The following SLC12A6 variants were observed in gnomAD, a reference collection of about 807,000 sequenced individuals.
SLC12A6 encodes K-Cl cotransporter 3.
Under a neutral mutation model 135.3 loss-of-function variants are expected in SLC12A6, and 66 were observed. The ratio of observed to expected loss-of-function variants is 0.49; its 90% CI spans 0.40 to 0.60. The LOEUF (loss-of-function observed/expected upper bound fraction) is 0.60, where lower values mean the gene tolerates loss of function less well. Among genes scored for constraint, SLC12A6 ranks in the 20% least tolerant of loss-of-function variants. SLC12A6 has a pLI of 0.00. For missense variants in SLC12A6, 1,058 were observed against 1,452.3 expected, an observed-to-expected ratio of 0.73 and a Z score of 4.41; for synonymous variants, 513 against 508.8, an observed-to-expected ratio of 1.01 and a Z score of -0.11.
intron 2 of SLC12A6, among the ~76,000 whole-genome samples, chr15:34,294,364 G>T (rs1296380789): frequency 1.3e-5 from 2 of 152,008 alleles, no homozygotes; most frequent in African/African-American, 4.8e-5. Context: ...TCCTGAGTAG[G>T]TGGGATCACA....
At chr15:34,247,270 C>A (rs1359074728) in intron 13 of SLC12A6, among the ~76,000 whole-genome samples, 1 of 152,156 alleles carries the variant, frequency 6.6e-6, no homozygotes, top group Admixed American at 6.5e-5. Flanking sequence ...GTAATCCCAG[C>A]ACTTTGGGAG....
chr15:34,323,900 C>T (rs1889287724), intron 2 of SLC12A6, among the ~76,000 whole-genome samples: 1 of 145,352 alleles, frequency 6.9e-6, no homozygotes, highest in Non-Finnish European at 1.5e-5. Flanking sequence ...CTAATTGTGC[C>T]ACTGCACGCC....
chr15:34,313,431 AAG>A (rs1888403149), intron 2 of SLC12A6, among the ~76,000 whole-genome samples: 1 of 152,222 alleles, frequency 6.6e-6, no homozygotes, highest in African/African-American at 2.4e-5. Flanking sequence ...TATGAAGGCC[AAG>A]AGAGTTGATG....
chr15:34,308,407 T>C (rs1239094297), intron 2 of SLC12A6, among the ~76,000 whole-genome samples: 1 of 152,048 alleles, frequency 6.6e-6, no homozygotes, highest in Non-Finnish European at 1.5e-5. Flanking sequence ...GGTGGATCAC[T>C]TGAGGTCAGG....
chr15:34,280,026 A>C (rs1237478186), intron 2 of SLC12A6, among the ~76,000 whole-genome samples: 1 of 152,252 alleles, frequency 6.6e-6, no homozygotes, highest in African/African-American at 2.4e-5. Flanking sequence ...AGACAGAGTG[A>C]AATGATTGTG....
chr15:34,260,914 C>A lies in SLC12A6; in HGVS notation c.411+12G>T. The A allele has an allele frequency of 8.9e-7, 1 of 1,126,656 alleles. No individual in the cohort carries two copies. Among genetic ancestry groups the A allele is most frequent in the South Asian group, 1.2e-5 (1 of 81,302 alleles). 69.8% of individuals were successfully genotyped at this position (1,126,656 alleles called of 1,614,324 possible). A position where few individuals can be genotyped will look rare whatever the true frequency, so the allele number is the denominator to read the frequency against. ...CTAAAGTCTCAGTCCATAGTTTTCT[C>A]CAAAATATTACCTCAAAGAGTGCCA... On this transcript the variant is annotated intron_variant, in intron 4 of 25. Transcript: ENST00000354181.
At chr15:34,337,132 G>T (rs760955860) in intron 1 of SLC12A6, 200 bp downstream of exon 1, 2 of 272,662 alleles carry the variant, frequency 7.3e-6, no homozygotes, top group South Asian at 7.1e-5. Context: ...AGTGCGTGCA[G>T]GCAAACCTTT....
intron 2 of SLC12A6, among the ~76,000 whole-genome samples, chr15:34,335,519 T>G (rs1038082794): frequency 6.6e-6 from 1 of 152,228 alleles, no homozygotes; most frequent in Non-Finnish European, 1.5e-5. Context: ...ATTACATTAG[T>G]TACAACACAG....
chr15:34,333,944 C>T (rs151025561), intron 2 of SLC12A6, among the ~76,000 whole-genome samples: 31 of 151,926 alleles, frequency 2.0e-4, no homozygotes, highest in African/African-American at 7.0e-4. Flanking sequence ...GTGGTGCATG[C>T]CTGTAATCTC....
chr15:34,258,585 G>A (rs990898696), intron 5 of SLC12A6, among the ~76,000 whole-genome samples: 2 of 152,140 alleles, frequency 1.3e-5, no homozygotes, highest in Non-Finnish European at 2.9e-5. Flanking sequence ...CACTTAATAT[G>A]TTATATACTT....
intron 2 of SLC12A6, among the ~76,000 whole-genome samples, chr15:34,331,096 A>T (rs8038177): frequency 0.34 from 51,562 of 152,058 alleles, 8,785 homozygotes; most frequent in South Asian, 0.44. Flanking sequence ...TGATTAGCAA[A>T]ACAATATAAT....
intron 2 of SLC12A6, among the ~76,000 whole-genome samples, chr15:34,301,032 G>A (rs1367179609): frequency 2.0e-5 from 3 of 151,996 alleles, no homozygotes; most frequent in Admixed American, 6.6e-5. Flanking sequence ...GCAATGGCGC[G>A]ATCTCGGCTC....
At chr15:34,237,252 A>C (rs1891326496) in intron 22 of SLC12A6, 167 bp downstream of exon 22, 2 of 591,974 alleles carry the variant, frequency 3.4e-6, no homozygotes. Context: ...TCACATATAC[A>C]TTCTACTTAG....
At chr15:34,288,523 A>G (rs111303877) in intron 2 of SLC12A6, among the ~76,000 whole-genome samples, 5,982 of 152,314 alleles carry the variant, frequency 0.039, 220 homozygotes, top group African/African-American at 0.099. Context: ...CTGTGAAGAA[A>G]GTCAGTGGTA....
At position 34,337,327 on chromosome 15, in the gene SLC12A6, C is replaced by T. The variant is rs1433107755; in HGVS notation, c.-73+5G>A. 1 of 159,002 alleles carries T rather than the reference C, an allele frequency of 6.3e-6. No homozygotes were observed. The highest frequency in any genetic ancestry group is 1.4e-5 in the Non-Finnish European group (1 of 71,698). The allele number at this position is 159,002 out of a possible 1,614,324, so 9.8% of individuals were successfully genotyped here. On this transcript the variant is annotated splice_donor_5th_base_variant and intron_variant, in intron 1 of 25. Coordinates refer to ENST00000354181, the MANE Select transcript of SLC12A6 (RefSeq NM_001365088.1). ...TGCACATGCATAACGGGAAAAATAACCCACACTACTGAGAGAAGGGTGAGC... is the reference window on the plus strand; with the variant it reads ...TGCACATGCATAACGGGAAAAATAATCCACACTACTGAGAGAAGGGTGAGC...
chr15:34,318,885 A>C lies in SLC12A6; in HGVS notation c.271+17525T>G, dbSNP rs894740157. ...TGAAGACACGCCTTCCACAGTGTTT[A>C]TCATTCACTTAAAAGGATTAAGCAC... On this transcript the variant is annotated intron_variant, in intron 2 of 25. Coordinates refer to ENST00000354181, the MANE Select transcript of SLC12A6 (RefSeq NM_001365088.1). 3.8e-6 allele frequency: 5 copies of C among 1,316,298 alleles called. No individual in the cohort carries two copies. The African/African-American group carries it at 6.0e-5, about 16-fold the overall frequency. The allele number at this position is 1,316,298 out of a possible 1,614,324, so 81.5% of individuals were successfully genotyped here.
intron 2 of SLC12A6, among the ~76,000 whole-genome samples, chr15:34,317,475 G>A (rs181141237): frequency 6.6e-6 from 1 of 152,182 alleles, no homozygotes; most frequent in Non-Finnish European, 1.5e-5. Context: ...AGGCAGAAGC[G>A]GGGGATCGCT....
At chr15:34,285,438 A>C (rs1240598180) in intron 2 of SLC12A6, among the ~76,000 whole-genome samples, 1 of 151,946 alleles carries the variant, frequency 6.6e-6, no homozygotes, top group African/African-American at 2.4e-5. Flanking sequence ...CAGAGATGCC[A>C]TTTACCCTTT....
chr15:34,248,568 CCACACACA>C (rs34055235), intron 13 of SLC12A6, among the ~76,000 whole-genome samples: 35 of 149,470 alleles, frequency 2.3e-4, no homozygotes, highest in Admixed American at 8.7e-4. Context: ...ACACCCCCAC[CCACACACA>C]CACACACACA....
Sources: gnomAD v4.1 joint callset for allele counts (sites outside exome capture counted in the v4.1 genomes callset) on GRCh38, gnomAD v4.1.1 for gene constraint, MANE v1.5 for transcripts, NCBI Gene and HGNC (gene_info 2026-07-23, HGNC 2026-07-21) for gene names.